The following COL1A2 variants were observed in gnomAD, a reference collection of about 807,000 sequenced individuals.
COL1A2 encodes the protein collagen alpha-2(I) chain.
COL1A2 carries 49 observed loss-of-function variants against 174.3 expected under a neutral mutation model. The ratio of observed to expected loss-of-function variants is 0.28; its 90% CI spans 0.22 to 0.36. The LOEUF (loss-of-function observed/expected upper bound fraction) is 0.36, where lower values mean the gene tolerates loss of function less well. COL1A2 is among the 10% of genes least tolerant of loss of function. COL1A2 has a pLI of 1.00. For missense variants in COL1A2, 1,438 were observed against 1,822.7 expected, an observed-to-expected ratio of 0.79 and a Z score of 3.84; for synonymous variants, 655 against 606.6, an observed-to-expected ratio of 1.08 and a Z score of -1.17.
chr7:94,406,030 A>G (rs1327932628), intron 11 of COL1A2, among the ~76,000 whole-genome samples: 2 of 152,212 alleles, frequency 1.3e-5, no homozygotes, highest in African/African-American at 4.8e-5. Flanking sequence ...GATGTGAGAG[A>G]ACACCTAGTC....
In COL1A2 at chr7:94,405,686, T is replaced by C. The variant is rs1302801050; in HGVS notation, c.500T>C (p.Phe167Ser). The change falls in exon 11 of 52, where the codon TTC (phenylalanine) becomes TCC (serine). Residue 167 changes from phenylalanine (F) to serine (S), a missense_variant. This residue lies in a region of COL1A2 where 281 missense variants were observed against 310.9 expected (regional missense o/e 0.90). Coordinates refer to ENST00000297268, the MANE Select transcript of COL1A2 (RefSeq NM_000089.4). ...GVVGPQGARG[F>S]PGTPGLPGFK... The stretch of plus-strand genomic sequence containing the variant: ...TTTCTTTCTAAGGGTGCTCGTGGTT[T>C]CCCTGGAACTCCTGGACTTCCTGGC... 3 of 1,613,516 alleles carry C rather than the reference T, an allele frequency of 1.9e-6. No individual in the cohort carries two copies. The highest frequency in any genetic ancestry group is 2.5e-6 in the Non-Finnish European group (3 of 1,179,438).
chr7:94,405,339 T>A, intron 10 of COL1A2, 87 bp downstream of exon 10: 1 of 1,272,886 alleles, frequency 7.9e-7, no homozygotes, highest in Non-Finnish European at 1.1e-6. Flanking sequence ...AATGACAACA[T>A]AGATGTCACC....
chr7:94,429,253 G>T lies in COL1A2; in HGVS notation c.3777G>T (p.Leu1259=), dbSNP rs1314683467. The change falls in exon 51 of 52, where the codon CTG becomes CTT. Residue 1259 remains leucine (L), a synonymous_variant. Transcript: ENST00000297268. ...EMATQLAFMR[L]LANYASQNIT... ...CTACCCAACTTGCCTTCATGCGCCT[G>T]CTGGCCAACTATGCCTCTCAGAACA... is the stretch of plus-strand genomic sequence containing the variant. 2 of 1,613,908 alleles carry T rather than the reference G, an allele frequency of 1.2e-6. No individual in the cohort carries two copies. Among genetic ancestry groups the T allele is most frequent in the Middle Eastern group, 1.6e-4 (1 of 6,062 alleles).
At chr7:94,428,951 A>C (rs1393195260) in intron 50 of COL1A2, among the ~76,000 whole-genome samples, 2 of 152,194 alleles carry the variant, frequency 1.3e-5, no homozygotes, top group Non-Finnish European at 2.9e-5. Context: ...GATTAATTGA[A>C]ACAGATAACT....
At chr7:94,419,775 C>T (rs1178141185) in intron 34 of COL1A2, among the ~76,000 whole-genome samples, 1 of 152,178 alleles carries the variant, frequency 6.6e-6, no homozygotes, top group Non-Finnish European at 1.5e-5. Context: ...TAATCCCTAG[C>T]ATTTGTTTTA....
rs768685440 is a variant in COL1A2, at chr7:94,408,208, G to A, written c.665G>A (p.Arg222Lys). ...GGAGCCCGTGGGCTTCCTGGTGAGA[G>A]AGGACGTGTTGGTGCCCCTGGCCCA... ...QTGARGLPGE[R>K]GRVGAPGPAG... The change falls in exon 14 of 52, where the codon AGA becomes AAA. Residue 222 changes from arginine to lysine, a missense_variant. Physicochemically the swap from Arg to Lys is conservative, Grantham distance 26. Transcript: ENST00000297268. 2 of 1,613,986 alleles carry A rather than the reference G, an allele frequency of 1.2e-6. No individual in the cohort carries two copies. The highest frequency in any genetic ancestry group is 1.7e-6 in the Non-Finnish European group (2 of 1,179,992).
intron 51 of COL1A2, 67 bp downstream of exon 51, chr7:94,429,497 C>T: frequency 1.3e-6 from 2 of 1,581,764 alleles, no homozygotes; most frequent in South Asian, 1.1e-5. Context: ...ACTTAGACTG[C>T]CCCCAAGGGG....
chr7:94,422,886 A>C (rs893939783), intron 39 of COL1A2, 71 bp from the exon 40 acceptor site: 4 of 1,561,982 alleles, frequency 2.6e-6, no homozygotes, highest in African/African-American at 1.4e-5. Context: ...TAAGATCTAG[A>C]ATCTTTGCTG....
intron 38 of COL1A2, among the ~76,000 whole-genome samples, chr7:94,421,689 A>G (rs994714980): frequency 2.0e-5 from 3 of 152,220 alleles, no homozygotes; most frequent in African/African-American, 7.2e-5. Flanking sequence ...TGGGCATTGC[A>G]ACTGGTAATA....
chr7:94,399,186 A>G, intron 4 of COL1A2, 102 bp downstream of exon 4: 1 of 1,038,882 alleles, frequency 9.6e-7, no homozygotes. Flanking sequence ...ATGTATCCAG[A>G]TAATTGTACA....
Position 94,412,271 on chromosome 7 carries a change from A to G in COL1A2, c.1404+150A>G. 3.8e-6 allele frequency: 3 copies of G among 799,120 alleles called. No homozygotes were observed. In the South Asian group the frequency reaches 4.4e-5, roughly 12 times the overall value. The allele number at this position is 799,120 out of a possible 1,614,324, so 49.5% of individuals were successfully genotyped here. A position where few individuals can be genotyped will look rare whatever the true frequency, so the allele number is the denominator to read the frequency against. ...GAATGCAGAGTAATAGATTGTAATT[A>G]TGGAGTCCAAATGAATACAGGACTG... is the stretch of plus-strand genomic sequence containing the variant. On this transcript the variant is annotated intron_variant, in intron 24 of 51. Transcript: ENST00000297268.
At chr7:94,417,216 C>G (rs1792060479) in intron 31 of COL1A2, among the ~76,000 whole-genome samples, 1 of 152,034 alleles carries the variant, frequency 6.6e-6, no homozygotes, top group Non-Finnish European at 1.5e-5. Flanking sequence ...GTAGTACTTT[C>G]AAAGGGATCT....
chr7:94,425,040 G>A, intron 41 of COL1A2, 77 bp from the exon 42 acceptor site: 1 of 1,247,876 alleles, frequency 8.0e-7, no homozygotes, highest in Non-Finnish European at 1.2e-6. Context: ...AATCTCCTGA[G>A]TAGGGTTGTT....
chr7:94,411,137 G>A lies in COL1A2; in HGVS notation c.1333G>A (p.Gly445Ser). The A allele has an allele frequency of 6.3e-7, 1 of 1,587,420 alleles. No homozygotes were observed. The highest frequency in any genetic ancestry group is 8.6e-7 in the Non-Finnish European group (1 of 1,165,990). The change falls in exon 23 of 52, where the codon GGT (glycine) becomes AGT (serine). Residue 445 changes from glycine to serine, a missense_variant. By Grantham distance (56) the Gly-to-Ser change is moderately conservative. Coordinates refer to ENST00000297268, the MANE Select transcript of COL1A2 (RefSeq NM_000089.4). ...AGATGCTGGTCGCCCTGGGGAGCCTGGTCTCATGGGACCCAGAGTAAGTTT... is the reference window on the plus strand; with the variant it reads ...AGATGCTGGTCGCCCTGGGGAGCCTAGTCTCATGGGACCCAGAGTAAGTTT... ...NGDAGRPGEP[G>S]LMGPRGLPGS...
Position 94,423,058 on chromosome 7 carries a change from T to G in COL1A2, c.2505T>G (p.Gly835=). The G allele has an allele frequency of 6.2e-7, 1 of 1,614,166 alleles. No homozygotes were observed. Among genetic ancestry groups the G allele is most frequent in the Non-Finnish European group, 8.5e-7 (1 of 1,180,022 alleles). The change falls in exon 40 of 52, where the codon GGT becomes GGG. Residue 835 remains glycine (G), a synonymous_variant. Coordinates refer to ENST00000297268, the MANE Select transcript of COL1A2 (RefSeq NM_000089.4). The part of the protein sequence containing the change: ...QGPVGRTGEV[G]AVGPPGFAGE... ...CAGTTGGCCGAACTGGAGAAGTAGG[T>G]GCAGTTGGTCCCCCTGGCTTCGCTG...
rs765133216 is a variant in COL1A2, at chr7:94,404,881, G to A, written c.421G>A (p.Ala141Thr). 6.2e-7 allele frequency: 1 copy of A among 1,613,984 alleles called. No homozygotes were observed. Among genetic ancestry groups the A allele is most frequent in the Non-Finnish European group, 8.5e-7 (1 of 1,179,972 alleles). ...TGGTCCAGCTGGCCCTCCTGGCAAG[G>A]CTGGTGAAGATGTAAGTATTTACTC... ...ARGPAGPPGK[A>T]GEDGHPGKPG... Residue 141 changes from alanine to threonine, a missense_variant, in exon 9 of 52, where the codon GCT (alanine) becomes ACT (threonine). Ala to Thr is a moderately conservative substitution (Grantham distance 58, BLOSUM62 0). Transcript: ENST00000297268.
Position 94,430,328 on chromosome 7 carries a change from C to A in COL1A2, c.4036C>A (p.Pro1346Thr). The change falls in exon 52 of 52, where the codon CCT becomes ACT. Residue 1346 changes from proline to threonine, a missense_variant. By Grantham distance (38) the Pro-to-Thr change is conservative. Coordinates refer to ENST00000297268, the MANE Select transcript of COL1A2 (RefSeq NM_000089.4). ...PSRLPFLDIAPLDIGGADQEF... is the reference protein window; with the variant it reads ...PSRLPFLDIATLDIGGADQEF... ...ACGCCTGCCCTTCCTTGATATTGCA[C>A]CTTTGGACATCGGTGGTGCTGACCA... 6.2e-7 allele frequency: 1 copy of A among 1,614,044 alleles called. No individual in the cohort carries two copies. Among genetic ancestry groups the A allele is most frequent in the East Asian group, 2.2e-5 (1 of 44,868 alleles).
chr7:94,408,701 T>G (rs971394226), intron 15 of COL1A2, 69 bp from the exon 16 acceptor site: 11 of 1,535,760 alleles, frequency 7.2e-6, no homozygotes, highest in Non-Finnish European at 9.9e-6. Flanking sequence ...ACTTCAATCT[T>G]CTGCCATTGT....
intron 6 of COL1A2, among the ~76,000 whole-genome samples, chr7:94,402,258 CA>C (rs1192324534): frequency 6.6e-6 from 1 of 152,072 alleles, no homozygotes; most frequent in Non-Finnish European, 1.5e-5. Flanking sequence ...CAGATGCCTT[CA>C]ATGGGCCCTA....
Sources: gnomAD v4.1 joint callset for allele counts (sites outside exome capture counted in the v4.1 genomes callset) on GRCh38, gnomAD v4.1.1 for gene constraint, gnomAD v4.1.1 regional missense constraint, MANE v1.5 for transcripts, NCBI Gene and HGNC (gene_info 2026-07-23, HGNC 2026-07-21) for gene names.